MEIS2: variants seen among roughly 807,000 people sequenced by gnomAD.
MEIS2 encodes homeobox protein Meis2.
MEIS2 carries 9 observed loss-of-function variants against 58.6 expected under a neutral mutation model. That is an observed-to-expected ratio of 0.15 (90% CI 0.09 to 0.27). MEIS2 has a LOEUF of 0.27. MEIS2 is among the 10% of genes least tolerant of loss of function. The probability of loss-of-function intolerance (pLI) is 1.00; values close to 1 mark genes in which losing one functional copy is unlikely to be tolerated. For missense variants in MEIS2, 427 were observed against 635.0 expected (o/e 0.67, Z 3.52); for synonymous variants, 221 against 228.4 (o/e 0.97, Z 0.29).
At chr15:37,025,873 A>C (rs1035655102) in intron 8 of MEIS2, among the ~76,000 whole-genome samples, 3 of 152,164 alleles carry the variant, frequency 2.0e-5, no homozygotes, top group Admixed American at 6.5e-5. Flanking sequence ...TTTACTAGAA[A>C]ACATAAAACC....
chr15:37,027,932 T>A (rs924352934), intron 8 of MEIS2, among the ~76,000 whole-genome samples: 1 of 152,140 alleles, frequency 6.6e-6, no homozygotes, highest in Non-Finnish European at 1.5e-5. Flanking sequence ...TGAACCTACA[T>A]TGACACATCA....
At chr15:36,902,787 C>T (rs1262359677) in intron 9 of MEIS2, among the ~76,000 whole-genome samples, 2 of 152,098 alleles carry the variant, frequency 1.3e-5, no homozygotes, top group Non-Finnish European at 2.9e-5. Context: ...ACTCACTTGC[C>T]TTGGGCAATA....
At chr15:36,972,635 C>T (rs2059607825) in intron 8 of MEIS2, among the ~76,000 whole-genome samples, 5 of 152,140 alleles carry the variant, frequency 3.3e-5, no homozygotes, top group African/African-American at 1.2e-4. Flanking sequence ...CTCCTTCTTT[C>T]AATAGTGTAC....
chr15:36,928,411 A>C (rs1381847671), intron 9 of MEIS2, among the ~76,000 whole-genome samples: 1 of 152,174 alleles, frequency 6.6e-6, no homozygotes, highest in Admixed American at 6.5e-5. Flanking sequence ...TCATTATCCC[A>C]GTTTGATGGA....
intron 8 of MEIS2, among the ~76,000 whole-genome samples, chr15:37,030,543 C>A (rs772142700): frequency 2.0e-4 from 30 of 151,886 alleles, no homozygotes; most frequent in Non-Finnish European, 3.7e-4. Context: ...CACCATGTTG[C>A]CCAGGCTGGT....
chr15:36,908,731 G>A (rs1213367888), intron 9 of MEIS2, among the ~76,000 whole-genome samples: 3 of 152,014 alleles, frequency 2.0e-5, no homozygotes, highest in South Asian at 2.1e-4. Context: ...CGAGGCGGGC[G>A]GATCACCAGC....
At chr15:36,946,422 GAA>G (rs200972390) in intron 9 of MEIS2, among the ~76,000 whole-genome samples, 5,864 of 71,482 alleles carry the variant, frequency 0.082, 240 homozygotes, top group East Asian at 0.27. Context: ...AAGAACTGTA[GAA>G]AAAAAAAAAA....
intron 10 of MEIS2, among the ~76,000 whole-genome samples, chr15:36,895,986 C>T (rs2056155515): frequency 1.3e-5 from 2 of 152,150 alleles, no homozygotes; most frequent in African/African-American, 4.8e-5. Context: ...CCTCAGTAAA[C>T]TGAGGAAATG....
intron 8 of MEIS2, among the ~76,000 whole-genome samples, chr15:37,014,357 A>G (rs1488284621): frequency 9.9e-5 from 15 of 152,234 alleles, no homozygotes; most frequent in African/African-American, 3.6e-4. Context: ...CTGAGAAAAG[A>G]GAATGACTGT....
intron 7 of MEIS2, among the ~76,000 whole-genome samples, chr15:37,074,223 T>C (rs1336475347): frequency 2.0e-5 from 3 of 152,002 alleles, no homozygotes; most frequent in South Asian, 2.1e-4. Flanking sequence ...TTGGTATTAA[T>C]ACTACCACCT....
At chr15:36,902,502 G>A (rs187690164) in intron 9 of MEIS2, among the ~76,000 whole-genome samples, 2 of 152,290 alleles carry the variant, frequency 1.3e-5, no homozygotes, top group African/African-American at 4.8e-5. Flanking sequence ...GTGTGCCATG[G>A]ACCAGTAGCA....
At chr15:37,013,570 C>G (rs1441712497) in intron 8 of MEIS2, among the ~76,000 whole-genome samples, 1 of 142,814 alleles carries the variant, frequency 7.0e-6, no homozygotes, top group Non-Finnish European at 1.5e-5. Context: ...AAAACTCCAA[C>G]TCAAAAAAAA....
At chr15:36,940,502 G>C (rs778626075) in intron 9 of MEIS2, among the ~76,000 whole-genome samples, 1 of 152,042 alleles carries the variant, frequency 6.6e-6, no homozygotes, top group Non-Finnish European at 1.5e-5. Context: ...AAAACACATG[G>C]CAATAATTTA....
chr15:37,100,854 C>T (rs1235322457), upstream of MEIS2: 2 of 150,620 alleles, frequency 1.3e-5, no homozygotes, highest in Non-Finnish European at 3.0e-5. Flanking sequence ...TACGGTACCG[C>T]CTCAGATCTT....
chr15:37,093,911 T>A (rs770963529), intron 5 of MEIS2, 181 bp from the exon 6 acceptor site: 5 of 682,276 alleles, frequency 7.3e-6, no homozygotes, highest in Non-Finnish European at 9.8e-6. Flanking sequence ...AACAATAGAG[T>A]AATTGTTGCA....
chr15:37,058,097 T>C (rs886641062), intron 7 of MEIS2, among the ~76,000 whole-genome samples: 24 of 152,114 alleles, frequency 1.6e-4, no homozygotes, highest in African/African-American at 5.6e-4. Context: ...ACGAAGATCA[T>C]CGCTACTGGG....
intron 9 of MEIS2, among the ~76,000 whole-genome samples, chr15:36,937,510 A>C (rs2058220348): frequency 6.6e-6 from 1 of 152,226 alleles, no homozygotes; most frequent in African/African-American, 2.4e-5. Context: ...TAAAAGCTAA[A>C]TAAGATATAC....
chr15:36,990,249 A>C (rs1480553522), intron 8 of MEIS2, among the ~76,000 whole-genome samples: 1 of 152,058 alleles, frequency 6.6e-6, no homozygotes, highest in Non-Finnish European at 1.5e-5. Flanking sequence ...CCGGCCTGGA[A>C]GCAGTTATTT....
chr15:36,918,107 T>A (rs2057355598), intron 9 of MEIS2, among the ~76,000 whole-genome samples: 1 of 152,188 alleles, frequency 6.6e-6, no homozygotes, highest in African/African-American at 2.4e-5. Flanking sequence ...AGAGACTGTA[T>A]AACAAGCCAC....
Sources: gnomAD v4.1 joint callset for allele counts (sites outside exome capture counted in the v4.1 genomes callset) on GRCh38, gnomAD v4.1.1 for gene constraint, MANE v1.5 for transcripts, NCBI Gene and HGNC (gene_info 2026-07-23, HGNC 2026-07-21) for gene names.